Variants in C16orf96 observed in about 807,000 individuals in gnomAD.
C16orf96 encodes the protein uncharacterized protein C16orf96.
In C16orf96, 108 loss-of-function variants were observed where a neutral mutation model predicts 103.6. That is an observed-to-expected ratio of 1.04 (90% CI 0.89 to 1.22). C16orf96 has a LOEUF of 1.22. C16orf96 is among the 50% of genes most tolerant of loss of function. The pLI is 0.00. For missense variants in C16orf96, 1,586 were observed against 1,464.2 expected, an observed-to-expected ratio of 1.08 and a Z score of -1.36; for synonymous variants, 566 against 593.5, an observed-to-expected ratio of 0.95 and a Z score of 0.67.
Position 4,599,286 on chromosome 16 carries a change from G to A in C16orf96, c.3130G>A (p.Val1044Met). The change falls in exon 15 of 16, where the codon GTG (valine) becomes ATG (methionine). Residue 1044 changes from valine (V) to methionine (M), a missense_variant and splice_region_variant. Physicochemically the swap from Val to Met is conservative, Grantham distance 21. Coordinates refer to ENST00000444310, the MANE Select transcript of C16orf96 (RefSeq NM_001145011.2). Reference protein sequence around the residue: ...PLAVAKELAAVKAPSPPSQSL... With the variant: ...PLAVAKELAAMKAPSPPSQSL... Reference sequence around the variant, plus strand: ...TGTCTCTTTTCTTTTCTGCTAAGCTGTGAAGGCTCCATCTCCCCCGTCACA... The same window carrying A: ...TGTCTCTTTTCTTTTCTGCTAAGCTATGAAGGCTCCATCTCCCCCGTCACA... 6.4e-7 allele frequency: 1 copy of A among 1,551,576 alleles called. No homozygotes were observed. The highest frequency in any genetic ancestry group is 8.7e-7 in the Non-Finnish European group (1 of 1,146,908).
In C16orf96 at chr16:4,600,296, C is replaced by G; in HGVS notation, c.3405C>G (p.Pro1135=). Residue 1135 remains proline, a synonymous_variant, in exon 16 of 16, where the codon CCC becomes CCG. Coordinates refer to ENST00000444310, the MANE Select transcript of C16orf96 (RefSeq NM_001145011.2). The stretch of plus-strand genomic sequence containing the variant: ...AGTCCCGAGTCGGCAGGAAGCCCCC[C>G]GAGGAGCCCGCCAACCCGTGAGCCC... ...HIESRVGRKP[P]EEPANP is the part of the protein sequence containing the mutation. 6.5e-7 allele frequency: 1 copy of G among 1,550,132 alleles called. No individual in the cohort carries two copies. The highest frequency in any genetic ancestry group is 8.7e-7 in the Non-Finnish European group (1 of 1,146,818).
chr16:4,562,998 A>T (rs116877200), intron 1 of C16orf96: 1 of 1,127,974 alleles, frequency 8.9e-7, no homozygotes, highest in Non-Finnish European at 1.3e-6. Context: ...CATTTTCCCA[A>T]TCTGAAACAT....
rs187133280 is a variant in C16orf96 at position 4,582,214 on chromosome 16, G to A, written c.2352+2089G>A. On this transcript the variant is annotated intron_variant, in intron 7 of 15. Transcript: ENST00000444310. Reference sequence around the variant, plus strand: ...GGAGAATCACTTAAACCCGGGAGGCGGAGGTTGCAGTGAGCGAAGATTGCG... The same window carrying A: ...GGAGAATCACTTAAACCCGGGAGGCAGAGGTTGCAGTGAGCGAAGATTGCG... Among the ~76,000 whole-genome samples the A allele has an allele frequency of 6.5e-3, 991 of 151,964 alleles. 10 individuals are homozygous for A. Among genetic ancestry groups the A allele is most frequent in the Admixed American group, 0.012 (182 of 15,240 alleles).
intron 6 of C16orf96, 31 bp from the exon 7 acceptor site, chr16:4,579,984 G>T (rs1424196456): frequency 6.6e-7 from 1 of 1,520,686 alleles, no homozygotes; most frequent in Non-Finnish European, 8.9e-7. Context: ...CAGAAGCAGA[G>T]GCCTGGGGTG....
At chr16:4,581,141 CATATATATATATATATATATATATAT>C (rs58065868) in intron 7 of C16orf96, among the ~76,000 whole-genome samples, 38 of 46,756 alleles carry the variant, frequency 8.1e-4, no homozygotes, top group Admixed American at 1.6e-3. Flanking sequence ...TATATGTATA[CATATATATATATATATATATATATAT>C]ATATATATAT....
At chr16:4,584,280 C>T (rs1405233715) in intron 7 of C16orf96, among the ~76,000 whole-genome samples, 2 of 74,810 alleles carry the variant, frequency 2.7e-5, no homozygotes, top group Non-Finnish European at 7.8e-5. Context: ...CTTGAACTCC[C>T]AGGCTCAAGT....
chr16:4,549,661 G>C, the C16orf96 span, among the ~76,000 whole-genome samples: 419 of 152,054 alleles, frequency 2.8e-3, 3 homozygotes, highest in Non-Finnish European at 5.1e-3. Context: ...AGCCGGGCAG[G>C]GTTGCGGGCG....
At chr16:4,540,186 C>T in the C16orf96 span, among the ~76,000 whole-genome samples, 1 of 152,260 alleles carries the variant, frequency 6.6e-6, no homozygotes, top group East Asian at 1.9e-4. Flanking sequence ...TACAAGGAAA[C>T]CACAAAATGC....
intron 1 of C16orf96, chr16:4,559,999 A>T (rs1276341506): frequency 6.6e-6 from 1 of 152,012 alleles, no homozygotes; most frequent in Admixed American, 6.6e-5. Context: ...ATGCCCTCAA[A>T]TTGCACACTT....
At chr16:4,566,166 T>G (rs752264167) in intron 1 of C16orf96, among the ~76,000 whole-genome samples, 5 of 152,236 alleles carry the variant, frequency 3.3e-5, no homozygotes, top group Non-Finnish European at 5.9e-5. Context: ...AGTTTTTATA[T>G]GGACCTATGT....
At chr16:4,559,522 G>A (rs746139733) in intron 1 of C16orf96, among the ~76,000 whole-genome samples, 1 of 151,044 alleles carries the variant, frequency 6.6e-6, no homozygotes, top group Non-Finnish European at 1.5e-5. Flanking sequence ...CTGCACTCCA[G>A]CCTGGGCAAC....
At chr16:4,594,881 G>T (rs1386369102) in intron 14 of C16orf96, 78 bp downstream of exon 14, 4 of 1,444,682 alleles carry the variant, frequency 2.8e-6, no homozygotes, top group Admixed American at 2.0e-5. Context: ...GGTGCAGGTG[G>T]GGCCCAGAGC....
chr16:4,569,521 G>T (rs968966285), intron 1 of C16orf96, among the ~76,000 whole-genome samples: 2 of 151,980 alleles, frequency 1.3e-5, no homozygotes, highest in Non-Finnish European at 2.9e-5. Flanking sequence ...GGGAGGCCGA[G>T]GTGGGTGGAT....
chr16:4,541,540 C>T, the C16orf96 span, among the ~76,000 whole-genome samples: 1 of 152,226 alleles, frequency 6.6e-6, no homozygotes, highest in African/African-American at 2.4e-5. Flanking sequence ...TGCCACTGCA[C>T]TCCAGCCTGG....
intron 10 of C16orf96, among the ~76,000 whole-genome samples, 186 bp downstream of exon 10, chr16:4,591,970 T>C (rs1279612065): frequency 6.6e-6 from 1 of 152,094 alleles, no homozygotes; most frequent in East Asian, 1.9e-4. Context: ...TCCAGCCCTA[T>C]TCCTGCCAAT....
chr16:4,573,940 T>C lies in C16orf96; in HGVS notation c.526-769T>C, dbSNP rs1268545798. Among the ~76,000 whole-genome samples the C allele has an allele frequency of 4.0e-5, 6 of 150,692 alleles. No homozygotes were observed. In the East Asian group the frequency reaches 1.2e-3, roughly 30 times the overall value. On this transcript the variant is annotated intron_variant, in intron 2 of 15. Transcript: ENST00000444310. ...CCTCTGCCTCCCGGGTTCAAGTGAT[T>C]TTCCTGCCTCAGCCTCCTGAGTAGC...
intron 7 of C16orf96, among the ~76,000 whole-genome samples, chr16:4,584,966 C>T (rs1015351123): frequency 3.3e-5 from 5 of 152,230 alleles, no homozygotes; most frequent in African/African-American, 1.2e-4. Flanking sequence ...CCACTGCGCC[C>T]AGCCAAAATA....
rs1555441330 is a variant in C16orf96, at chr16:4,600,490, C to CG, written c.*173_*174insG. The CG allele has an allele frequency of 2.2e-5, 8 of 369,682 alleles. No individual in the cohort carries two copies. The Admixed American group carries it at 5.2e-4, about 24-fold the overall frequency. The allele number at this position is 369,682 out of a possible 1,614,324, so 22.9% of individuals were successfully genotyped here. ...CATGTCCGAGGCTGAGGCTCATGCG[C>CG]CCCCCCCCATCCCTACCAAGTCCCC... On this transcript the variant is annotated 3_prime_UTR_variant, in exon 16 of 16. Transcript: ENST00000444310.
chr16:4,570,492 A>G (rs1596520941), intron 1 of C16orf96, among the ~76,000 whole-genome samples: 3 of 131,926 alleles, frequency 2.3e-5, no homozygotes, highest in Non-Finnish European at 4.7e-5. Context: ...TTAGATAGAG[A>G]CTCACTTCGT....
Sources: allele counts gnomAD v4.1 joint callset (sites outside exome capture counted in the v4.1 genomes callset), GRCh38; gene constraint gnomAD v4.1.1; transcripts MANE v1.5; gene names NCBI Gene and HGNC (gene_info 2026-07-23, HGNC 2026-07-21).